OR51B5: variants seen among roughly 807,000 people sequenced by gnomAD.
OR51B5 encodes olfactory receptor family 51 subfamily B member 5.
For synonymous variants in OR51B5, 186 were observed against 144.8 expected (o/e 1.28, Z -2.04); for missense variants, 456 against 374.6 (o/e 1.22, Z -1.79).
chr11:5,342,603 G>T (rs1397191890), exon 1 of OR51B5: 2 of 1,590,128 alleles, frequency 1.3e-6, no homozygotes, highest in South Asian at 2.3e-5. Flanking sequence ...CCAATTCTAT[G>T]GGTAGTAAAA....
chr11:5,345,430 T>G (rs996356682), upstream of OR51B5, among the ~76,000 whole-genome samples: 7 of 152,054 alleles, frequency 4.6e-5, no homozygotes, highest in African/African-American at 1.7e-4. Flanking sequence ...GTGCCAAGAT[T>G]TGCTGATATA....
At chr11:5,452,152 G>T (rs781658385) in intron 1 of OR51B5, among the ~76,000 whole-genome samples, 4 of 152,132 alleles carry the variant, frequency 2.6e-5, no homozygotes, top group Non-Finnish European at 5.9e-5. Context: ...TATAAATCCT[G>T]CATATATGTC....
chr11:5,502,734 G>T (rs1259500064), intron 1 of OR51B5, among the ~76,000 whole-genome samples: 1 of 152,138 alleles, frequency 6.6e-6, no homozygotes, highest in Non-Finnish European at 1.5e-5. Context: ...GTAAAAATAG[G>T]TGTAATTATA....
intron 1 of OR51B5, chr11:5,389,637 T>C: frequency 1.2e-6 from 2 of 1,613,690 alleles, no homozygotes; most frequent in Non-Finnish European, 8.5e-7. Context: ...TTGCTGGCCC[T>C]CACTGACCTG....
At chr11:5,389,243 A>C (rs1422685758) in intron 1 of OR51B5, 1 of 757,220 alleles carries the variant, frequency 1.3e-6, no homozygotes, top group African/African-American at 1.7e-5. Flanking sequence ...AAGAAAGTTC[A>C]ATAAAGTAGT....
intron 1 of OR51B5, chr11:5,430,853 G>A: frequency 2.2e-6 from 1 of 457,340 alleles, no homozygotes; most frequent in East Asian, 6.9e-5. Context: ...TAATATATAA[G>A]CACTGCACAA....
At chr11:5,344,731 T>A (rs1045843935), upstream of OR51B5, among the ~76,000 whole-genome samples, 8 of 152,326 alleles carry the variant, frequency 5.3e-5, no homozygotes, top group Non-Finnish European at 1.0e-4. Flanking sequence ...GCCATGATAT[T>A]TAAAGCTCTC....
chr11:5,366,572 G>A (rs1386006446), intron 1 of OR51B5, among the ~76,000 whole-genome samples: 1 of 151,876 alleles, frequency 6.6e-6, no homozygotes, highest in Admixed American at 6.6e-5. Flanking sequence ...TCGCGCCATT[G>A]CACTCCAGCA....
At chr11:5,375,526 C>T (rs950552197) in intron 1 of OR51B5, among the ~76,000 whole-genome samples, 2 of 152,136 alleles carry the variant, frequency 1.3e-5, no homozygotes, top group Non-Finnish European at 2.9e-5. Flanking sequence ...TTGAAAGACA[C>T]AGACTGGCAA....
At chr11:5,416,791 T>C (rs1850251385) in intron 1 of OR51B5, among the ~76,000 whole-genome samples, 1 of 150,270 alleles carries the variant, frequency 6.7e-6, no homozygotes, top group African/African-American at 2.4e-5. Flanking sequence ...TAAAAACAAA[T>C]GGAAGAACAT....
In OR51B5 at chr11:5,441,060, G is replaced by A. The variant is rs759576426; in HGVS notation, n.84+64509C>T. ...AGGGAAGAGAGTGGTGAAACTCTTG[G>A]TAAGGATGCCCAGACCCATAGCCAA... On this transcript the variant is annotated intron_variant and non_coding_transcript_variant, in intron 1 of 4. Transcript: ENST00000415970. 10 of 1,613,862 alleles carry A rather than the reference G, an allele frequency of 6.2e-6. No individual in the cohort carries two copies. In the African/African-American group the frequency reaches 9.3e-5, roughly 15 times the overall value.
intron 1 of OR51B5, among the ~76,000 whole-genome samples, chr11:5,475,904 C>G (rs12421974): frequency 0.26 from 40,151 of 152,144 alleles, 6,506 homozygotes; most frequent in Non-Finnish European, 0.36. Context: ...ACCTATGTTT[C>G]TTTGCCATTG....
At chr11:5,342,756 A>G (rs777730196) in exon 1 of OR51B5, 1 of 1,613,816 alleles carries the variant, frequency 6.2e-7, no homozygotes, top group Non-Finnish European at 8.5e-7. Flanking sequence ...TGAATCAGAG[A>G]CAATCCAATC....
chr11:5,358,318 C>T (rs183552607), intron 1 of OR51B5, among the ~76,000 whole-genome samples: 278 of 151,736 alleles, frequency 1.8e-3, no homozygotes, highest in African/African-American at 6.3e-3. Flanking sequence ...TATATCACCA[C>T]CGATCCCACA....
chr11:5,488,611 A>T, intron 1 of OR51B5: 1 of 968,646 alleles, frequency 1.0e-6, no homozygotes, highest in South Asian at 1.6e-5. Flanking sequence ...TATTTCACAG[A>T]AAGATCTTTG....
intron 1 of OR51B5, among the ~76,000 whole-genome samples, chr11:5,378,093 T>A (rs2647544): frequency 6.6e-6 from 1 of 151,294 alleles, no homozygotes; most frequent in African/African-American, 2.4e-5. Context: ...AAACAGCATG[T>A]TACTGGTACC....
chr11:5,395,593 T>C (rs1849856736), intron 1 of OR51B5, among the ~76,000 whole-genome samples: 1 of 152,146 alleles, frequency 6.6e-6, no homozygotes, highest in African/African-American at 2.4e-5. Flanking sequence ...CAAGGAAACA[T>C]AATCTCAGCA....
chr11:5,435,631 T>A (rs1286561483), intron 1 of OR51B5, among the ~76,000 whole-genome samples: 1 of 152,206 alleles, frequency 6.6e-6, no homozygotes, highest in African/African-American at 2.4e-5. Flanking sequence ...CATGGTGATA[T>A]CCTGTAATCT....
rs1413413519 is a variant in OR51B5, at chr11:5,416,960, G to C, written n.85-70050C>G. Reference sequence around the variant, plus strand: ...TTCATATGGAACCAAAAAAGAGCCCGCATCGCCAAGTCAATCCTAAGCCAA... The same window carrying C: ...TTCATATGGAACCAAAAAAGAGCCCCCATCGCCAAGTCAATCCTAAGCCAA... On this transcript the variant is annotated intron_variant and non_coding_transcript_variant, in intron 1 of 4. Coordinates refer to the OR51B5 transcript ENST00000415970. Among the ~76,000 whole-genome samples, 15 of 145,420 alleles carry C rather than the reference G, an allele frequency of 1.0e-4. No individual in the cohort carries two copies. The South Asian group carries it at 3.2e-3, about 31-fold the overall frequency.
Sources: gnomAD v4.1 joint callset for allele counts (sites outside exome capture counted in the v4.1 genomes callset) on GRCh38, gnomAD v4.1.1 for gene constraint, MANE v1.5 for transcripts, NCBI Gene and HGNC (gene_info 2026-07-23, HGNC 2026-07-21) for gene names.